The following ALDH16A1 variants were observed in gnomAD, a reference collection of about 807,000 sequenced individuals.
ALDH16A1 encodes aldehyde dehydrogenase 16 family member A1.
Under a neutral mutation model 96.1 loss-of-function variants are expected in ALDH16A1, and 88 were observed. The observed-to-expected ratio is 0.92, with a 90% CI of 0.77 to 1.09. The LOEUF (loss-of-function observed/expected upper bound fraction) is 1.09. Ranked by LOEUF, ALDH16A1 falls within the 50% of genes least tolerant of loss-of-function variation. ALDH16A1 has a pLI of 0.00. For missense variants in ALDH16A1, 1,250 were observed against 1,112.6 expected, an observed-to-expected ratio of 1.12 and a Z score of -1.76; for synonymous variants, 522 against 496.4, an observed-to-expected ratio of 1.05 and a Z score of -0.69.
rs1157792191 is a variant in ALDH16A1 at position 49,464,700 on chromosome 19, C to T, written c.1506C>T (p.Asn502=). The change falls in exon 12 of 17, where the codon AAC becomes AAT. Residue 502 remains asparagine, a synonymous_variant. Coordinates refer to ENST00000293350, the MANE Select transcript of ALDH16A1 (RefSeq NM_153329.4). The stretch of plus-strand genomic sequence containing the variant: ...TGTCCTGCCTCTCCAAGAACCTGAA[C>T]TATGACACCTTTGGCCTCGCTGTTC... ...ARLSCLSKNL[N]YDTFGLAVPS... 6.2e-7 allele frequency: 1 copy of T among 1,613,598 alleles called. No homozygotes were observed. The highest frequency in any genetic ancestry group is 1.3e-5 in the African/African-American group (1 of 75,052).
intron 13 of ALDH16A1, 61 bp downstream of exon 13, chr19:49,465,966 C>A: frequency 6.4e-7 from 1 of 1,570,184 alleles, no homozygotes; most frequent in Non-Finnish European, 8.7e-7. Flanking sequence ...AGCCTGCCCA[C>A]AGCAATTGGT....
rs1275168861 is a variant in ALDH16A1, at chr19:49,466,254, C to T, written c.1909C>T (p.Arg637Trp). ...AAGACGACTTCGGGCGTGGGGGGCC[C>T]GGGTGCAGGCCCAAGGCCACACCCT... ...SARRLRAWGA[R>W]VQAQGHTLQV... The change falls in exon 14 of 17, where the codon CGG (arginine) becomes TGG (tryptophan). Residue 637 changes from arginine to tryptophan, a missense_variant. By Grantham distance (101) the Arg-to-Trp change is moderately radical (BLOSUM62 -3). Transcript: ENST00000293350. The T allele has an allele frequency of 4.1e-6, 6 of 1,475,666 alleles. No homozygotes were observed. The highest frequency in any genetic ancestry group is 2.4e-5 in the East Asian group (1 of 41,802). The allele number at this position is 1,475,666 out of a possible 1,614,324, so 91.4% of individuals were successfully genotyped here.
intron 1 of ALDH16A1, among the ~76,000 whole-genome samples, chr19:49,457,562 A>G (rs567226050): frequency 6.7e-5 from 10 of 149,974 alleles, no homozygotes; most frequent in East Asian, 2.0e-4. Context: ...AAAAAAAAAA[A>G]AAAGAAAGAA....
Position 49,470,079 on chromosome 19 carries a change from C to T in ALDH16A1, c.2248-227C>T, listed in dbSNP as rs921398586. 9.3e-6 allele frequency: 5 copies of T among 535,362 alleles called. No homozygotes were observed. In the Admixed American group the frequency reaches 1.8e-4, roughly 19 times the overall value. The allele number at this position is 535,362 out of a possible 1,614,324, so 33.2% of individuals were successfully genotyped here. ...ACTTGTTGACAAGAGCCTTGGGGCC[C>T]ATTCCTTTCAACATGGGCTGTTAAG... On this transcript the variant is annotated intron_variant, in intron 16 of 16. Coordinates refer to ENST00000293350, the MANE Select transcript of ALDH16A1 (RefSeq NM_153329.4).
intron 16 of ALDH16A1, 129 bp from the exon 17 acceptor site, chr19:49,470,176 TG>T: frequency 9.0e-7 from 1 of 1,110,328 alleles, no homozygotes; most frequent in Non-Finnish European, 1.3e-6. Flanking sequence ...TGGGAGGAGC[TG>T]GGCATTGTAG....
chr19:49,465,119 A>G (rs998113257), intron 12 of ALDH16A1, among the ~76,000 whole-genome samples: 1 of 147,096 alleles, frequency 6.8e-6, no homozygotes, highest in African/African-American at 2.5e-5. Flanking sequence ...TCATGGGAGC[A>G]GGAGTTTGAG....
At position 49,461,682 on chromosome 19, in the gene ALDH16A1, C is replaced by G. The variant is rs771749686; in HGVS notation, c.641C>G (p.Ala214Gly). 2.5e-6 allele frequency: 4 copies of G among 1,607,538 alleles called. No individual in the cohort carries two copies. The highest frequency in any genetic ancestry group is 2.5e-6 in the Non-Finnish European group (3 of 1,177,280). ...GCGCCCCTCCTCCTGGCCCAGCTGG[C>G]GGGGGAGCTGGGCCCCTTCCCGGGA... ...SPAPLLLAQL[A>G]GELGPFPGIL... The change falls in exon 6 of 17, where the codon GCG (alanine) becomes GGG (glycine). Residue 214 changes from alanine to glycine, a missense_variant. Coordinates refer to ENST00000293350, the MANE Select transcript of ALDH16A1 (RefSeq NM_153329.4).
Position 49,462,737 on chromosome 19 carries a change from C to G in ALDH16A1, c.1080C>G (p.Ala360=), listed in dbSNP as rs148829846. 112 of 1,596,860 alleles carry G rather than the reference C, an allele frequency of 7.0e-5. No homozygotes were observed. The African/African-American group carries it at 1.1e-3, about 16-fold the overall frequency. ...CDLVQRFVRE[A]QSQGAQVFQA... ...TGGTCCAGCGCTTTGTGCGTGAGGCCCAGAGCCAGGGTGCACAGGTGAGGC... is the reference window on the plus strand; with the variant it reads ...TGGTCCAGCGCTTTGTGCGTGAGGCGCAGAGCCAGGGTGCACAGGTGAGGC... Residue 360 remains alanine (A), a synonymous_variant, in exon 8 of 17, where the codon GCC becomes GCG. Coordinates refer to ENST00000293350, the MANE Select transcript of ALDH16A1 (RefSeq NM_153329.4).
chr19:49,455,962 C>A (rs1172599082), intron 1 of ALDH16A1, among the ~76,000 whole-genome samples: 1 of 152,070 alleles, frequency 6.6e-6, no homozygotes. Flanking sequence ...AAATAAAATT[C>A]CAAAATGTGT....
At chr19:49,469,157 C>T (rs1428898931) in intron 16 of ALDH16A1, 171 bp downstream of exon 16, 4 of 975,502 alleles carry the variant, frequency 4.1e-6, no homozygotes, top group African/African-American at 1.7e-5. Context: ...AAGGAAGAGG[C>T]TGTCCTTAGC....
intron 16 of ALDH16A1, 125 bp from the exon 17 acceptor site, chr19:49,470,181 A>AT: frequency 8.7e-7 from 1 of 1,154,336 alleles, no homozygotes; most frequent in Non-Finnish European, 1.2e-6. Context: ...GGAGCTGGGC[A>AT]TTGTAGCTGC....
intron 1 of ALDH16A1, among the ~76,000 whole-genome samples, chr19:49,453,750 G>T (rs1456801302): frequency 2.0e-5 from 3 of 152,082 alleles, no homozygotes; most frequent in Admixed American, 2.0e-4. Flanking sequence ...CCACCCACCA[G>T]ACCCCTTAGG....
chr19:49,460,655 C>T (rs1382523495), intron 4 of ALDH16A1, among the ~76,000 whole-genome samples, 167 bp from the exon 5 acceptor site: 2 of 151,716 alleles, frequency 1.3e-5, no homozygotes, highest in Non-Finnish European at 2.9e-5. Context: ...CTCAGGTGAT[C>T]CGCCCACCTC....
At position 49,468,801 on chromosome 19, in the gene ALDH16A1, G is replaced by A. The variant is rs1355221682; in HGVS notation, c.2125-63G>A. The A allele has an allele frequency of 1.3e-6, 2 of 1,567,312 alleles. No individual in the cohort carries two copies. Among genetic ancestry groups the A allele is most frequent in the East Asian group, 4.5e-5 (2 of 44,122 alleles). On this transcript the variant is annotated intron_variant, in intron 15 of 16. Transcript: ENST00000293350. The surrounding 1 kb of genome is among the most constrained non-coding windows in gnomAD (Gnocchi z 4.4). ...CCCTTCCCTCCCATGGGCACCCCCT[G>A]AATGCCCACTCCTTGCCCTGCCCCC...
At chr19:49,465,190 C>G (rs2914666) in intron 12 of ALDH16A1, among the ~76,000 whole-genome samples, 23 of 142,678 alleles carry the variant, frequency 1.6e-4, no homozygotes, top group African/African-American at 6.1e-4. Flanking sequence ...GGAGCAGGAG[C>G]TTAGGGTCCC....
At chr19:49,464,317 C>A in intron 10 of ALDH16A1, 54 bp downstream of exon 10, 1 of 1,588,452 alleles carries the variant, frequency 6.3e-7, no homozygotes. Context: ...CCATCTTCAT[C>A]TCCCTTCTCC....
At position 49,462,686 on chromosome 19, in the gene ALDH16A1, G is replaced by T; in HGVS notation, c.1029G>T (p.Gly343=). Residue 343 remains glycine (G), a synonymous_variant, in exon 8 of 17, where the codon GGG becomes GGT. Coordinates refer to ENST00000293350, the MANE Select transcript of ALDH16A1 (RefSeq NM_153329.4). ...GGCTGGATGGGGCCGTGGACATGGG[G>T]GCCCGGGGGGCTGCCGCATGTGACC... is the stretch of plus-strand genomic sequence containing the variant. The part of the protein sequence containing the change: ...GRGLDGAVDM[G]ARGAAACDLV... 6.2e-7 allele frequency: 1 copy of T among 1,608,748 alleles called. No homozygotes were observed. The highest frequency in any genetic ancestry group is 8.5e-7 in the Non-Finnish European group (1 of 1,178,754).
In ALDH16A1 at chr19:49,461,118, C is replaced by G. The variant is rs144527788; in HGVS notation, c.577+219C>G. Among the ~76,000 whole-genome samples, 233 of 142,242 alleles carry G rather than the reference C, an allele frequency of 1.6e-3. 5 individuals carry two copies. Among genetic ancestry groups the G allele is most frequent in the African/African-American group, 6.1e-3 (221 of 36,084 alleles). The allele number at this position is 142,242 out of a possible 152,430, so 93.3% of individuals were successfully genotyped here. On this transcript the variant is annotated intron_variant, in intron 5 of 16. Coordinates refer to ENST00000293350, the MANE Select transcript of ALDH16A1 (RefSeq NM_153329.4). ...GAGGGAGGAGGAGCTGGAGTCTGGA[C>G]TCCTGAGTCTGAGGGAGGAGGGGCT...
In ALDH16A1 at chr19:49,461,728, C is replaced by G. The variant is rs1460671284; in HGVS notation, c.687C>G (p.Gly229=). Residue 229 remains glycine (G), a synonymous_variant, in exon 6 of 17, where the codon GGC becomes GGG. Coordinates refer to ENST00000293350, the MANE Select transcript of ALDH16A1 (RefSeq NM_153329.4). ...CGGGAATCCTGAATGTCCTCAGTGG[C>G]CCTGCGTCCCTGGTGCCCATCCTGG... The part of the protein sequence containing the change: ...PFPGILNVLS[G]PASLVPILAS... The G allele has an allele frequency of 6.2e-7, 1 of 1,609,734 alleles. No homozygotes were observed. Among genetic ancestry groups the G allele is most frequent in the East Asian group, 2.2e-5 (1 of 44,724 alleles).
Sources: gnomAD v4.1 joint callset for allele counts (sites outside exome capture counted in the v4.1 genomes callset) on GRCh38, gnomAD v4.1.1 for gene constraint, Gnocchi (gnomAD v3.1) non-coding constraint, MANE v1.5 for transcripts, NCBI Gene and HGNC (gene_info 2026-07-23, HGNC 2026-07-21) for gene names.